The following HYDIN variants were observed in gnomAD, a reference collection of about 807,000 sequenced individuals.
The protein encoded by HYDIN is HYDIN axonemal central pair apparatus protein.
HYDIN carries 132 observed loss-of-function variants against 403.9 expected under a neutral mutation model. The ratio of observed to expected loss-of-function variants is 0.33; its 90% confidence interval spans 0.28 to 0.38. HYDIN has a LOEUF of 0.38. Ranked by LOEUF, HYDIN falls within the 10% of genes least tolerant of loss-of-function variation. The probability of loss-of-function intolerance (pLI) is 1.00; values close to 1 mark genes in which losing one functional copy is unlikely to be tolerated. For missense variants in HYDIN, 2,827 were observed against 5,009.5 expected (o/e 0.56, Z 13.15); for synonymous variants, 1,202 against 1,891.7 (o/e 0.64, Z 9.46).
At chr16:70,951,098 G>A (rs1197961016) in intron 41 of HYDIN, among the ~76,000 whole-genome samples, 1 of 152,194 alleles carries the variant, frequency 6.6e-6, no homozygotes, top group East Asian at 1.9e-4. Context: ...AGCCAGGCAT[G>A]GTGGGACATA....
intron 9 of HYDIN, among the ~76,000 whole-genome samples, chr16:71,120,326 A>G (rs577914816): frequency 1.4e-5 from 2 of 138,586 alleles, no homozygotes; most frequent in East Asian, 4.1e-4. Context: ...CCTACTAGAA[A>G]AAAATCAACT....
intron 83 of HYDIN, among the ~76,000 whole-genome samples, chr16:70,819,145 C>T (rs2036056160): frequency 6.6e-6 from 1 of 151,854 alleles, no homozygotes; most frequent in South Asian, 2.1e-4. Context: ...GAACTCCTGA[C>T]CTCGAGTGAT....
chr16:71,170,413 T>A (rs1363849882), intron 5 of HYDIN, among the ~76,000 whole-genome samples: 2 of 152,264 alleles, frequency 1.3e-5, no homozygotes, highest in African/African-American at 2.4e-5. Context: ...AAGTACCACA[T>A]CACCTGTGAA....
chr16:71,193,471 A>G (rs2087536701), intron 1 of HYDIN, among the ~76,000 whole-genome samples: 2 of 152,218 alleles, frequency 1.3e-5, no homozygotes. Flanking sequence ...CAGACAGAAT[A>G]GGGTTTGCCA....
chr16:70,868,619 C>T lies in HYDIN; in HGVS notation c.11261G>A (p.Trp3754Ter). 1.2e-6 allele frequency: 2 copies of T among 1,613,794 alleles called. No individual in the cohort carries two copies. The highest frequency in any genetic ancestry group is 1.7e-6 in the Non-Finnish European group (2 of 1,179,992). The change falls in exon 66 of 86, where the codon TGG becomes TAG. Residue 3754 changes from tryptophan (W) to a stop codon, truncating the protein, a stop_gained. Transcript: ENST00000393567. LOFTEE classifies it high-confidence loss of function. ...DWDDRMHTVK[W>*]VDVPRNMPGT... is the part of the protein sequence containing the mutation. ...AGGCATGTTTCTGGGTACGTCCACCCACTTGACTGTGTGCATGCGGTCATC... is the reference window on the plus strand; with the variant it reads ...AGGCATGTTTCTGGGTACGTCCACCTACTTGACTGTGTGCATGCGGTCATC...
At chr16:70,998,635 C>T (rs947310919) in intron 23 of HYDIN, among the ~76,000 whole-genome samples, 2 of 136,146 alleles carry the variant, frequency 1.5e-5, no homozygotes, top group African/African-American at 3.2e-5. Flanking sequence ...TCTCATCCAT[C>T]CTTCCTTCCT....
chr16:71,069,209 T>C (rs965135370), intron 14 of HYDIN, 58 bp downstream of exon 14: 4 of 1,475,408 alleles, frequency 2.7e-6, no homozygotes, highest in African/African-American at 1.6e-5. Flanking sequence ...TGAGGGCCCA[T>C]GACTATTTTG....
intron 4 of HYDIN, among the ~76,000 whole-genome samples, chr16:71,178,686 A>C (rs1369034940): frequency 6.6e-6 from 1 of 152,094 alleles, no homozygotes; most frequent in Non-Finnish European, 1.5e-5. Flanking sequence ...TTTAATCAAC[A>C]AAAGTTAGTG....
Position 71,144,568 on chromosome 16 carries a change from G to A in HYDIN, c.842-7216C>T, listed in dbSNP as rs1446157659. 7.4e-5 allele frequency among the ~76,000 whole-genome samples: 11 copies of A among 149,036 alleles called. No homozygotes were observed. In the South Asian group the frequency reaches 1.1e-3, roughly 15 times the overall value. ...TTAAACAAACTTGATTTTACTATAC[G>A]CAGGCACCCACAGGAAGAAAGAGGA... On this transcript the variant is annotated intron_variant, in intron 7 of 85. Transcript: ENST00000393567.
intron 11 of HYDIN, 194 bp downstream of exon 11, chr16:71,093,623 T>C (rs1479059844): frequency 8.2e-6 from 3 of 367,776 alleles, no homozygotes; most frequent in Non-Finnish European, 9.7e-6. Context: ...CTAATGAAGA[T>C]AAAAAAGTTG....
chr16:71,114,600 G>C (rs2083947708), intron 10 of HYDIN, among the ~76,000 whole-genome samples: 1 of 150,114 alleles, frequency 6.7e-6, no homozygotes, highest in African/African-American at 2.5e-5. Flanking sequence ...AATGGACCTA[G>C]CTAGGAAATA....
intron 20 of HYDIN, chr16:71,027,275 C>T (rs2144143198): frequency 8.2e-7 from 1 of 1,224,620 alleles, no homozygotes; most frequent in South Asian, 1.8e-5. Flanking sequence ...ATATTAAATT[C>T]ATCCTGCTAA....
Position 71,078,753 on chromosome 16 carries a change from G to A in HYDIN, c.1738+1132C>T, listed in dbSNP as rs191492062. 2.3e-3 allele frequency among the ~76,000 whole-genome samples: 356 copies of A among 152,254 alleles called. 1 individual carries two copies. Among genetic ancestry groups the A allele is most frequent in the African/African-American group, 7.9e-3 (330 of 41,560 alleles). ...ACTCCTGGGCTCAAGCAATCCTCCC[G>A]CCTCGCCCTCCCAAAGTGGCGGGAT... On this transcript the variant is annotated intron_variant, in intron 13 of 85. Coordinates refer to ENST00000393567, the MANE Select transcript of HYDIN (RefSeq NM_001270974.2).
intron 1 of HYDIN, among the ~76,000 whole-genome samples, chr16:71,218,878 G>A (rs544282778): frequency 6.6e-5 from 10 of 152,146 alleles, no homozygotes; most frequent in Non-Finnish European, 1.2e-4. Flanking sequence ...GGTTTCATAT[G>A]ATATCATCTA....
At chr16:71,042,014 G>A (rs1362473367) in intron 18 of HYDIN, among the ~76,000 whole-genome samples, 2 of 151,086 alleles carry the variant, frequency 1.3e-5, no homozygotes, top group African/African-American at 2.4e-5. Context: ...CCAGTGCATG[G>A]TCACTAGTTA....
At chr16:71,126,451 CAGGA>C (rs1386790336) in intron 9 of HYDIN, among the ~76,000 whole-genome samples, 6 of 152,232 alleles carry the variant, frequency 3.9e-5, no homozygotes, top group African/African-American at 1.4e-4. Context: ...ATGGAAAGGT[CAGGA>C]AGGAATCATT....
intron 45 of HYDIN, chr16:70,933,778 TTCTC>T (rs1205329143): frequency 6.5e-6 from 1 of 154,800 alleles, no homozygotes; most frequent in African/African-American, 2.4e-5. Context: ...GCTTCTGCCT[TTCTC>T]TCCTCCCTCT....
chr16:70,875,231 G>A (rs2143665115), intron 62 of HYDIN, among the ~76,000 whole-genome samples: 1 of 150,344 alleles, frequency 6.7e-6, no homozygotes, highest in South Asian at 2.1e-4. Context: ...AACAGAGGCA[G>A]TTATAAAATA....
At chr16:70,824,350 A>G (rs1022148643) in intron 83 of HYDIN, among the ~76,000 whole-genome samples, 2 of 151,964 alleles carry the variant, frequency 1.3e-5, no homozygotes, top group African/African-American at 2.4e-5. Flanking sequence ...CCCCCATTCA[A>G]TTCCTCCAGA....
Sources: gnomAD v4.1 joint callset for allele counts (sites outside exome capture counted in the v4.1 genomes callset) on GRCh38, gnomAD v4.1.1 for gene constraint, MANE v1.5 for transcripts, NCBI Gene and HGNC (gene_info 2026-07-23, HGNC 2026-07-21) for gene names.